CELF1: variants seen among roughly 807,000 people sequenced by gnomAD.
The protein encoded by CELF1 is CUGBP Elav-like family member 1, also known as 50 kDa nuclear polyadenylated RNA-binding protein.
In CELF1, 10 loss-of-function variants were observed where a neutral mutation model predicts 61.8. The ratio of observed to expected loss-of-function variants is 0.16; its 90% confidence interval spans 0.10 to 0.27. The LOEUF (loss-of-function observed/expected upper bound fraction) is 0.27. CELF1 is among the 10% of genes least tolerant of loss of function. The pLI, the probability that CELF1 is intolerant of heterozygous loss-of-function variation, is 1.00. For missense variants in CELF1, 380 were observed against 639.1 expected (o/e 0.59, Z 4.37); for synonymous variants, 236 against 225.1 (o/e 1.05, Z -0.43).
chr11:47,517,027 G>A (rs1228430981), intron 1 of CELF1, among the ~76,000 whole-genome samples: 1 of 152,082 alleles, frequency 6.6e-6, no homozygotes, highest in African/African-American at 2.4e-5. Context: ...TGGGAGGACT[G>A]CTTGAGCCCA....
Position 47,468,013 on chromosome 11 carries a change from A to G in CELF1, c.*4217T>C, listed in dbSNP as rs190844690. The G allele has an allele frequency of 6.6e-6, 1 of 152,340 alleles. No homozygotes were observed. Among genetic ancestry groups the G allele is most frequent in the Admixed American group, 6.5e-5 (1 of 15,306 alleles). 9.4% of individuals were successfully genotyped at this position (152,340 alleles called of 1,614,324 possible). On this transcript the variant is annotated 3_prime_UTR_variant, in exon 15 of 15. Coordinates refer to ENST00000687097, the MANE Select transcript of CELF1 (RefSeq NM_001376376.1). Reference sequence around the variant, plus strand: ...GAAGAAACAGCAGGAAACATGCAAAACTTTTTTCTGGGCATAATCTTAGTA... The same window carrying G: ...GAAGAAACAGCAGGAAACATGCAAAGCTTTTTTCTGGGCATAATCTTAGTA...
chr11:47,512,430 G>A (rs2095267239), intron 1 of CELF1, among the ~76,000 whole-genome samples: 2 of 150,498 alleles, frequency 1.3e-5, no homozygotes, highest in Middle Eastern at 3.5e-3. Context: ...TGGAATTACA[G>A]GCATGAGCCA....
At chr11:47,473,994 C>T (rs1034412667) in intron 13 of CELF1, among the ~76,000 whole-genome samples, 12 of 152,058 alleles carry the variant, frequency 7.9e-5, no homozygotes, top group African/African-American at 2.7e-4. Context: ...GCAACCTCCG[C>T]CTCCCGGGTT....
intron 1 of CELF1, among the ~76,000 whole-genome samples, chr11:47,533,809 CAA>C (rs58856403): frequency 1.2e-5 from 1 of 85,336 alleles, no homozygotes; most frequent in Non-Finnish European, 2.1e-5. Flanking sequence ...GACTCTCCCC[CAA>C]AAAAAAAAAA....
intron 2 of CELF1, among the ~76,000 whole-genome samples, chr11:47,558,747 TAATA>T (rs1465642261): frequency 1.7e-5 from 2 of 114,708 alleles, no homozygotes; most frequent in Non-Finnish European, 3.3e-5. Flanking sequence ...ATTGTATATA[TAATA>T]TATATAATAT....
At chr11:47,531,194 C>T (rs1055061843) in intron 1 of CELF1, among the ~76,000 whole-genome samples, 1 of 152,038 alleles carries the variant, frequency 6.6e-6, no homozygotes, top group Admixed American at 6.6e-5. Flanking sequence ...TTACAGTGAG[C>T]TGAGATCGCA....
chr11:47,498,112 T>C (rs567004428), intron 3 of CELF1, among the ~76,000 whole-genome samples: 34 of 152,288 alleles, frequency 2.2e-4, no homozygotes, highest in African/African-American at 8.2e-4. Flanking sequence ...ATTACCGTAA[T>C]TTTGGAGACT....
intron 14 of CELF1, 117 bp from the exon 15 acceptor site, chr11:47,472,474 G>T (rs2078034519): frequency 1.7e-6 from 2 of 1,143,658 alleles, no homozygotes; most frequent in Non-Finnish European, 2.5e-6. Context: ...ATTCAGCAGG[G>T]ACAAGAAATC....
intron 1 of CELF1, among the ~76,000 whole-genome samples, chr11:47,515,338 C>T (rs1283165698): frequency 6.6e-6 from 1 of 152,218 alleles, no homozygotes; most frequent in African/African-American, 2.4e-5. Context: ...TGACACCAGA[C>T]AAAGTACCTA....
intron 1 of CELF1, among the ~76,000 whole-genome samples, chr11:47,547,860 A>G (rs1274237491): frequency 6.6e-6 from 1 of 152,158 alleles, no homozygotes. Context: ...AGAGGCTACC[A>G]GAGGCTGGGG....
rs184537598 is a variant in CELF1, at chr11:47,466,608, C to T, written c.*5622G>A. 9 of 151,508 alleles carry T rather than the reference C, an allele frequency of 5.9e-5. No individual in the cohort carries two copies. Among genetic ancestry groups the T allele is most frequent in the Admixed American group, 2.6e-4 (4 of 15,186 alleles). The allele number at this position is 151,508 out of a possible 1,614,324, so 9.4% of individuals were successfully genotyped here. A position where few individuals can be genotyped will look rare whatever the true frequency, so the allele number is the denominator to read the frequency against. On this transcript the variant is annotated 3_prime_UTR_variant, in exon 15 of 15. Transcript: ENST00000687097. Reference sequence around the variant, plus strand: ...TTATTCACAAAAAGCAGCTGGAAATCAGAAAGGCAGCTGCCGCTCCAGGGT... The same window carrying T: ...TTATTCACAAAAAGCAGCTGGAAATTAGAAAGGCAGCTGCCGCTCCAGGGT...
At chr11:47,505,142 C>T (rs1439576765) in intron 1 of CELF1, among the ~76,000 whole-genome samples, 1 of 151,130 alleles carries the variant, frequency 6.6e-6, no homozygotes, top group East Asian at 1.9e-4. Context: ...GTGTACTCAG[C>T]AATAGTATAG....
At chr11:47,552,817 A>G (rs1423442254) in intron 1 of CELF1, among the ~76,000 whole-genome samples, 175 bp downstream of exon 1, 1 of 152,166 alleles carries the variant, frequency 6.6e-6, no homozygotes, top group Non-Finnish European at 1.5e-5. Context: ...GGACCCCGAC[A>G]TGCAGGAGGA....
intron 2 of CELF1, among the ~76,000 whole-genome samples, chr11:47,558,596 AT>A (rs1565921636): frequency 9.3e-6 from 1 of 107,264 alleles, no homozygotes; most frequent in African/African-American, 3.6e-5. Flanking sequence ...TATTTATATT[AT>A]ATATGTATAA....
chr11:47,543,748 C>T (rs1040215800), intron 1 of CELF1, among the ~76,000 whole-genome samples: 6 of 147,378 alleles, frequency 4.1e-5, no homozygotes, highest in African/African-American at 5.2e-5. Flanking sequence ...GACCCCTGTC[C>T]CCACCCCGTC....
intron 3 of CELF1, among the ~76,000 whole-genome samples, chr11:47,493,070 C>A (rs1239388322): frequency 6.6e-6 from 1 of 152,134 alleles, no homozygotes; most frequent in Non-Finnish European, 1.5e-5. Flanking sequence ...ATGTAGATTA[C>A]AGTTTACCCA....
At chr11:47,550,470 G>A (rs929467773) in intron 1 of CELF1, among the ~76,000 whole-genome samples, 19 of 152,140 alleles carry the variant, frequency 1.2e-4, no homozygotes, top group South Asian at 2.1e-4. Context: ...GACAGGGTGT[G>A]CAGTGAGCAC....
intron 10 of CELF1, among the ~76,000 whole-genome samples, 195 bp downstream of exon 10, chr11:47,478,682 A>G (rs910915800): frequency 6.6e-6 from 1 of 152,262 alleles, no homozygotes; most frequent in Non-Finnish European, 1.5e-5. Flanking sequence ...ACGTCAGAGC[A>G]ATGTGGCATC....
chr11:47,474,566 G>C (rs2079148507), intron 13 of CELF1, among the ~76,000 whole-genome samples: 1 of 152,118 alleles, frequency 6.6e-6, no homozygotes. Flanking sequence ...CTAAAATATT[G>C]GTTCACGCTA....
Sources: allele counts gnomAD v4.1 joint callset (sites outside exome capture counted in the v4.1 genomes callset), GRCh38; gene constraint gnomAD v4.1.1; transcripts MANE v1.5; gene names NCBI Gene and HGNC (gene_info 2026-07-23, HGNC 2026-07-21).